Variants in SERINC5 observed in about 807,000 individuals in gnomAD.
The protein encoded by SERINC5 is serine incorporator 5, also known as chromosome 5 open reading frame 12.
SERINC5 carries 41 observed loss-of-function variants against 63.1 expected under a neutral mutation model. That is an observed-to-expected ratio of 0.65 (90% CI 0.51 to 0.84). The LOEUF is 0.84. Among genes scored for constraint, SERINC5 ranks in the 40% least tolerant of loss-of-function variants. The probability of loss-of-function intolerance (pLI) is 0.00; values close to 1 mark genes in which losing one functional copy is unlikely to be tolerated. For missense variants in SERINC5, 523 were observed against 573.0 expected (o/e 0.91, Z 0.89); for synonymous variants, 222 against 215.2 (o/e 1.03, Z -0.28).
chr5:80,225,073 T>G (rs190028299), intron 1 of SERINC5, among the ~76,000 whole-genome samples: 128 of 152,140 alleles, frequency 8.4e-4, no homozygotes, highest in African/African-American at 2.7e-3. Context: ...CCCGAGTAGC[T>G]GAGATTACAG....
chr5:80,130,621 C>T (rs1744908776), intron 11 of SERINC5, among the ~76,000 whole-genome samples: 2 of 152,292 alleles, frequency 1.3e-5, no homozygotes, highest in South Asian at 4.1e-4. Flanking sequence ...AGAAGGATAT[C>T]ATCCACTATC....
At position 80,189,406 on chromosome 5, in the gene SERINC5, T is replaced by C. The variant is rs1749042812; in HGVS notation, c.196-11342A>G. 2.0e-5 allele frequency among the ~76,000 whole-genome samples: 3 copies of C among 152,214 alleles called. No individual in the cohort carries two copies. In the South Asian group the frequency reaches 6.2e-4, roughly 31 times the overall value. ...CGGGAAGAGAGTGAATAGGACCCTCTGAGCCAAAGACACAAATCTATTTCT... is the reference window on the plus strand; with the variant it reads ...CGGGAAGAGAGTGAATAGGACCCTCCGAGCCAAAGACACAAATCTATTTCT... On this transcript the variant is annotated intron_variant, in intron 2 of 11. Transcript: ENST00000507668.
At chr5:80,247,406 C>T (rs1389179129) in intron 1 of SERINC5, among the ~76,000 whole-genome samples, 4 of 152,130 alleles carry the variant, frequency 2.6e-5, no homozygotes, top group Non-Finnish European at 2.9e-5. Flanking sequence ...GGGGGTGTTA[C>T]CTTTTATTTA....
intron 1 of SERINC5, among the ~76,000 whole-genome samples, chr5:80,208,999 G>C (rs1047933266): frequency 6.6e-6 from 1 of 152,162 alleles, no homozygotes; most frequent in Non-Finnish European, 1.5e-5. Context: ...GACCAGGCGC[G>C]GTGGATCACG....
At chr5:80,242,880 G>A (rs1466638326) in intron 1 of SERINC5, among the ~76,000 whole-genome samples, 1 of 152,188 alleles carries the variant, frequency 6.6e-6, no homozygotes, top group African/African-American at 2.4e-5. Flanking sequence ...CCAAGATCAG[G>A]CCTCTGCATT....
chr5:80,163,641 T>C (rs1364711218), intron 7 of SERINC5, among the ~76,000 whole-genome samples: 1 of 152,112 alleles, frequency 6.6e-6, no homozygotes, highest in Non-Finnish European at 1.5e-5. Context: ...TAATTCTGTT[T>C]ATGTAATATG....
At chr5:80,247,144 A>T (rs1752203329) in intron 1 of SERINC5, among the ~76,000 whole-genome samples, 1 of 152,246 alleles carries the variant, frequency 6.6e-6, no homozygotes, top group Admixed American at 6.5e-5. Context: ...ATATCAGCTT[A>T]TATGAAGACT....
chr5:80,203,905 C>T (rs1462089043), intron 1 of SERINC5, among the ~76,000 whole-genome samples: 1 of 152,120 alleles, frequency 6.6e-6, no homozygotes, highest in African/African-American at 2.4e-5. Context: ...CACACCTGGG[C>T]AGGGACTGAA....
chr5:80,206,451 T>G (rs1270637083), intron 1 of SERINC5, among the ~76,000 whole-genome samples: 1 of 152,166 alleles, frequency 6.6e-6, no homozygotes, highest in Non-Finnish European at 1.5e-5. Flanking sequence ...CACTACAAAT[T>G]TTTCCTAACC....
chr5:80,189,047 A>G (rs987088767), intron 2 of SERINC5, among the ~76,000 whole-genome samples: 2 of 152,182 alleles, frequency 1.3e-5, no homozygotes, highest in Non-Finnish European at 2.9e-5. Flanking sequence ...ATAATGTACA[A>G]TGGATATCAT....
intron 8 of SERINC5, among the ~76,000 whole-genome samples, chr5:80,152,173 C>T (rs114757548): frequency 0.022 from 3,308 of 152,232 alleles, 123 homozygotes; most frequent in African/African-American, 0.075. Context: ...CCAATGACTG[C>T]GCACCCAAGG....
intron 11 of SERINC5, among the ~76,000 whole-genome samples, chr5:80,145,142 C>G (rs1301077534): frequency 6.6e-6 from 1 of 151,794 alleles, no homozygotes; most frequent in Non-Finnish European, 1.5e-5. Flanking sequence ...AGTTCGAGAC[C>G]AGCCTAGCCA....
chr5:80,198,631 G>A (rs980207812), intron 2 of SERINC5: 75 of 985,276 alleles, frequency 7.6e-5, no homozygotes, highest in Non-Finnish European at 8.4e-5. Flanking sequence ...CAACAAAGAG[G>A]GGGTAAGGAC....
intron 7 of SERINC5, among the ~76,000 whole-genome samples, chr5:80,159,669 A>AC (rs1453690878): frequency 1.3e-5 from 2 of 152,198 alleles, no homozygotes; most frequent in Admixed American, 6.5e-5. Flanking sequence ...CCCACTCTCC[A>AC]AACTCCAGGA....
chr5:80,252,773 T>C (rs1752488049), intron 1 of SERINC5, among the ~76,000 whole-genome samples: 1 of 152,136 alleles, frequency 6.6e-6, no homozygotes, highest in Non-Finnish European at 1.5e-5. Context: ...AATGAGGTCA[T>C]AGAGGGTAAG....
chr5:80,197,285 G>A (rs1248355328), intron 2 of SERINC5, among the ~76,000 whole-genome samples: 1 of 151,748 alleles, frequency 6.6e-6, no homozygotes, highest in Non-Finnish European at 1.5e-5. Flanking sequence ...TTCAGCCAGA[G>A]AGACAGAGCA....
rs1747307425 is a variant in SERINC5, at chr5:80,166,442, A to C, written c.800T>G (p.Ile267Arg). The change falls in exon 7 of 12, where the codon ATA (isoleucine) becomes AGA (arginine). Residue 267 changes from isoleucine to arginine, a missense_variant. Transcript: ENST00000507668. The part of the protein sequence containing the change: ...PHSGLLQSGV[I>R]SCYVTYLTFS... ...GGTGAGGTAGGTGACATAGCAGCTT[A>C]TGACCCCTGATTGTAAGAGCCCCGA... 1 of 1,596,254 alleles carries C rather than the reference A, an allele frequency of 6.3e-7. No individual in the cohort carries two copies. The highest frequency in any genetic ancestry group is 8.5e-7 in the Non-Finnish European group (1 of 1,171,290).
chr5:80,244,991 G>C (rs557545913), intron 1 of SERINC5, among the ~76,000 whole-genome samples: 18 of 152,048 alleles, frequency 1.2e-4, no homozygotes, highest in African/African-American at 1.4e-4. Flanking sequence ...ACTGATCTTC[G>C]ATCTTCCTCT....
At chr5:80,161,001 T>C (rs1561380745) in intron 7 of SERINC5, among the ~76,000 whole-genome samples, 2 of 150,244 alleles carry the variant, frequency 1.3e-5, no homozygotes, top group East Asian at 2.0e-4. Flanking sequence ...TGTATATATA[T>C]ACGTGTATAT....
Sources: gnomAD v4.1 joint callset for allele counts (sites outside exome capture counted in the v4.1 genomes callset) on GRCh38, gnomAD v4.1.1 for gene constraint, MANE v1.5 for transcripts, NCBI Gene and HGNC (gene_info 2026-07-23, HGNC 2026-07-21) for gene names.